SPAG16: variants seen among roughly 807,000 people sequenced by gnomAD.
SPAG16 encodes the protein sperm associated antigen 16.
In SPAG16, 86 loss-of-function variants were observed where a neutral mutation model predicts 80.4. The ratio of observed to expected loss-of-function variants is 1.07; its 90% CI spans 0.90 to 1.28. The LOEUF is 1.28. SPAG16 is among the 50% of genes most tolerant of loss of function. The pLI, the probability that SPAG16 is intolerant of heterozygous loss-of-function variation, is 0.00. For synonymous variants in SPAG16, 294 were observed against 265.9 expected, an observed-to-expected ratio of 1.11 and a Z score of -1.03; for missense variants, 870 against 765.3, an observed-to-expected ratio of 1.14 and a Z score of -1.61.
At chr2:214,028,410 A>G (rs1365516610) in intron 13 of SPAG16, among the ~76,000 whole-genome samples, 1 of 152,098 alleles carries the variant, frequency 6.6e-6, no homozygotes, top group Admixed American at 6.6e-5. Context: ...AAGCAAAGCT[A>G]TGGCTTGACT....
At chr2:214,024,451 G>A (rs150569467) in intron 13 of SPAG16, among the ~76,000 whole-genome samples, 453 of 151,592 alleles carry the variant, frequency 3.0e-3, no homozygotes, top group African/African-American at 0.01. Context: ...AATATCTGTA[G>A]TGAACACAAA....
At chr2:213,694,105 A>C (rs190497332) in intron 10 of SPAG16, among the ~76,000 whole-genome samples, 47 of 152,254 alleles carry the variant, frequency 3.1e-4, no homozygotes, top group Admixed American at 1.6e-3. Flanking sequence ...ATGGACTCTC[A>C]TGTAGATTGA....
intron 10 of SPAG16, among the ~76,000 whole-genome samples, chr2:213,510,361 CTA>C (rs1406701485): frequency 6.6e-6 from 1 of 152,014 alleles, no homozygotes; most frequent in Non-Finnish European, 1.5e-5. Flanking sequence ...AGTGAGATAA[CTA>C]ATCACATTCT....
chr2:214,131,394 A>C (rs2054768836), intron 14 of SPAG16, among the ~76,000 whole-genome samples: 1 of 151,962 alleles, frequency 6.6e-6, no homozygotes, highest in Non-Finnish European at 1.5e-5. Context: ...AAAAAAAATC[A>C]AACTCTATCC....
At chr2:214,355,751 T>G (rs1306755968) in intron 15 of SPAG16, among the ~76,000 whole-genome samples, 3 of 151,808 alleles carry the variant, frequency 2.0e-5, no homozygotes, top group Non-Finnish European at 4.4e-5. Context: ...CTATTCACAA[T>G]AGCAAAGACT....
At chr2:214,369,260 T>G (rs1699667831) in intron 15 of SPAG16, among the ~76,000 whole-genome samples, 1 of 152,022 alleles carries the variant, frequency 6.6e-6, no homozygotes, top group South Asian at 2.1e-4. Context: ...ATCAAAGTAC[T>G]GTCTCAACTT....
intron 10 of SPAG16, among the ~76,000 whole-genome samples, chr2:213,801,912 A>G (rs959050154): frequency 4.6e-5 from 7 of 152,228 alleles, no homozygotes; most frequent in Non-Finnish European, 1.0e-4. Context: ...CATTTATAAA[A>G]TCAGGATGAA....
At chr2:214,358,962 T>G (rs550848889) in intron 15 of SPAG16, among the ~76,000 whole-genome samples, 1 of 151,934 alleles carries the variant, frequency 6.6e-6, no homozygotes, top group Non-Finnish European at 1.5e-5. Flanking sequence ...CTTTTTTTCC[T>G]TCTAAAAAAT....
At chr2:213,726,303 C>G (rs2066767598) in intron 10 of SPAG16, among the ~76,000 whole-genome samples, 1 of 152,218 alleles carries the variant, frequency 6.6e-6, no homozygotes, top group Admixed American at 6.5e-5. Flanking sequence ...GGTTCTCCAG[C>G]AGGACTGAGA....
rs553199431 is a variant in SPAG16, at chr2:213,542,470, CTTCT to C, written c.1070+52387_1070+52390del. Among the ~76,000 whole-genome samples, 122 of 152,140 alleles carry C rather than the reference CTTCT, an allele frequency of 8.0e-4. 2 individuals carry two copies. The highest frequency in any genetic ancestry group is 3.4e-3 in the Middle Eastern group (1 of 292). On this transcript the variant is annotated intron_variant, in intron 10 of 15. Coordinates refer to ENST00000331683, the MANE Select transcript of SPAG16 (RefSeq NM_024532.5). ...TATGTATTGCTGCTGTTTTTATTTA[CTTCT>C]TTCTTTGTCAGTAAAATCCTCCCAG...
intron 6 of SPAG16, 67 bp downstream of exon 6, chr2:213,340,337 G>A: frequency 8.7e-7 from 1 of 1,147,366 alleles, no homozygotes; most frequent in Non-Finnish European, 1.3e-6. Context: ...ATTTGATTAT[G>A]ACAAAGTTTT....
chr2:213,512,789 C>T (rs977658403), intron 10 of SPAG16, among the ~76,000 whole-genome samples: 16 of 151,998 alleles, frequency 1.1e-4, no homozygotes, highest in African/African-American at 3.6e-4. Context: ...CAGGCATTTC[C>T]TGCGTTTATT....
At chr2:213,703,046 G>T (rs143358365) in intron 10 of SPAG16, among the ~76,000 whole-genome samples, 2 of 152,150 alleles carry the variant, frequency 1.3e-5, no homozygotes, top group South Asian at 4.1e-4. Flanking sequence ...AGAAGTGGAG[G>T]GTGTCACTTC....
intron 9 of SPAG16, among the ~76,000 whole-genome samples, chr2:213,451,301 T>C (rs2071674142): frequency 6.6e-6 from 1 of 152,228 alleles, no homozygotes; most frequent in African/African-American, 2.4e-5. Context: ...CGTTATCCTC[T>C]TTTCCTAGGT....
intron 13 of SPAG16, among the ~76,000 whole-genome samples, chr2:214,091,818 C>T (rs2052231924): frequency 6.6e-6 from 1 of 151,970 alleles, no homozygotes; most frequent in Non-Finnish European, 1.5e-5. Flanking sequence ...TTCCCTTTAT[C>T]CACTCTAATG....
rs1559173970 is a variant in SPAG16, at chr2:213,479,093, C to CT, written c.943-10870_943-10869insT. ...TTTTCTTCTCCAGGCACACTGGCTT[C>CT]CTTTTTTTTTTTTTTTTTTTTTTTT... On this transcript the variant is annotated intron_variant, in intron 9 of 15. Coordinates refer to ENST00000331683, the MANE Select transcript of SPAG16 (RefSeq NM_024532.5). 2.5e-3 allele frequency among the ~76,000 whole-genome samples: 291 copies of CT among 115,604 alleles called. 5 individuals carry two copies. Among genetic ancestry groups the CT allele is most frequent in the African/African-American group, 0.01 (271 of 26,176 alleles). The allele number at this position is 115,604 out of a possible 152,430, so 75.8% of individuals were successfully genotyped here.
At chr2:214,204,639 A>G (rs759269619) in intron 15 of SPAG16, among the ~76,000 whole-genome samples, 33 of 152,214 alleles carry the variant, frequency 2.2e-4, no homozygotes, top group Admixed American at 5.2e-4. Flanking sequence ...AAAGCACCAC[A>G]TCAAGGGAGC....
intron 9 of SPAG16, among the ~76,000 whole-genome samples, chr2:213,487,623 C>G (rs908234152): frequency 2.0e-5 from 3 of 152,044 alleles, no homozygotes; most frequent in South Asian, 2.1e-4. Flanking sequence ...AATAGTTGTT[C>G]AGTTATCATT....
intron 15 of SPAG16, among the ~76,000 whole-genome samples, chr2:214,199,624 T>C (rs2057951480): frequency 6.6e-6 from 1 of 152,208 alleles, no homozygotes; most frequent in Non-Finnish European, 1.5e-5. Context: ...TTGTTTATTC[T>C]AGTTCTGTGA....
Sources: gnomAD v4.1 joint callset for allele counts (sites outside exome capture counted in the v4.1 genomes callset) on GRCh38, gnomAD v4.1.1 for gene constraint, MANE v1.5 for transcripts, NCBI Gene and HGNC (gene_info 2026-07-23, HGNC 2026-07-21) for gene names.